Variants in XRN1 observed in about 807,000 individuals in gnomAD.
The protein encoded by XRN1 is 5'-3' exoribonuclease 1.
XRN1 carries 67 observed loss-of-function variants against 222.3 expected under a neutral mutation model. That is an observed-to-expected ratio of 0.30 (90% CI 0.25 to 0.37). The LOEUF (loss-of-function observed/expected upper bound fraction) is 0.37. XRN1 is among the 10% of genes least tolerant of loss of function. XRN1 has a pLI of 1.00. For missense variants in XRN1, 1,707 were observed against 2,000.2 expected (o/e 0.85, Z 2.80); for synonymous variants, 643 against 652.4 (o/e 0.99, Z 0.22).
chr3:142,313,962 C>G (rs949665545), intron 39 of XRN1, among the ~76,000 whole-genome samples: 1 of 152,118 alleles, frequency 6.6e-6, no homozygotes, highest in Admixed American at 6.6e-5. Context: ...GGTCTTGAAA[C>G]TATCTACGAG....
rs1433998215 is a variant in XRN1 at position 142,375,854 on chromosome 3, T to C, written c.2922A>G (p.Gly974=). ...EEVPGYTKKV[G]SEWMYSSAAE... is the part of the protein sequence containing the mutation. ...CTGCAGATGAATACATCCATTCACT[T>C]CCAACTTTCTTAGTATATCCAGGTA... Residue 974 remains glycine, a synonymous_variant, in exon 25 of 41, where the codon GGA becomes GGG. Transcript: ENST00000392981. 6.2e-6 allele frequency: 10 copies of C among 1,613,860 alleles called. No homozygotes were observed. Among genetic ancestry groups the C allele is most frequent in the Non-Finnish European group, 8.5e-6 (10 of 1,179,960 alleles).
At chr3:142,385,461 T>C (rs1024505127) in intron 20 of XRN1, among the ~76,000 whole-genome samples, 11 of 152,144 alleles carry the variant, frequency 7.2e-5, no homozygotes, top group Admixed American at 1.3e-4. Context: ...GCCAGGAGTA[T>C]GTGATGGCTT....
At position 142,383,366 on chromosome 3, in the gene XRN1, A is replaced by G; in HGVS notation, c.2550T>C (p.Asp850=). Residue 850 remains aspartate, a synonymous_variant, in exon 22 of 41, where the codon GAT becomes GAC. Transcript: ENST00000392981. The stretch of plus-strand genomic sequence containing the variant: ...CCATACTTCTCAGAGGAAACAAATC[A>G]TCCAATGTTTTGATATTGGAGAAAC... ...DSRFSNIKTL[D]DLFPLRSMVF... 6.2e-7 allele frequency: 1 copy of G among 1,614,118 alleles called. No homozygotes were observed. Among genetic ancestry groups the G allele is most frequent in the South Asian group, 1.1e-5 (1 of 91,066 alleles).
intron 37 of XRN1, among the ~76,000 whole-genome samples, chr3:142,324,280 G>T (rs1448820758): frequency 8.1e-6 from 1 of 123,308 alleles, no homozygotes; most frequent in African/African-American, 3.2e-5. Context: ...AGCGTGTGAT[G>T]TTCCCCTTCC....
chr3:142,408,837 C>T (rs2068452350), intron 15 of XRN1, among the ~76,000 whole-genome samples: 1 of 152,194 alleles, frequency 6.6e-6, no homozygotes, highest in Non-Finnish European at 1.5e-5. Flanking sequence ...ATTCCAATTG[C>T]TCCACATTCT....
rs2107864712 is a variant in XRN1 at position 142,365,476 on chromosome 3, A to C, written c.3205-110T>G. ...TTTTAAAAAGCCAAATGAAGAGATTAATTTTTAAAATATTTAAAGTTCTGC... is the reference window on the plus strand; with the variant it reads ...TTTTAAAAAGCCAAATGAAGAGATTCATTTTTAAAATATTTAAAGTTCTGC... On this transcript the variant is annotated intron_variant, in intron 27 of 40. Coordinates refer to ENST00000392981, the MANE Select transcript of XRN1 (RefSeq NM_001282857.2). 3 of 734,208 alleles carry C rather than the reference A, an allele frequency of 4.1e-6. No homozygotes were observed. In the South Asian group the frequency reaches 1.2e-4, roughly 29 times the overall value. 45.5% of individuals were successfully genotyped at this position (734,208 alleles called of 1,614,324 possible).
intron 27 of XRN1, among the ~76,000 whole-genome samples, chr3:142,370,050 G>GA (rs1163944480): frequency 0.014 from 972 of 69,980 alleles, 10 homozygotes; most frequent in African/African-American, 0.03. Context: ...CTGTCTCAAA[G>GA]AAAAAAAAAA....
intron 23 of XRN1, among the ~76,000 whole-genome samples, chr3:142,377,586 A>G (rs978421371): frequency 6.6e-6 from 1 of 152,200 alleles, no homozygotes; most frequent in African/African-American, 2.4e-5. Context: ...TATTTAATAC[A>G]TAACTGTCCT....
At chr3:142,384,774 C>T in intron 20 of XRN1, 89 bp from the exon 21 acceptor site, 1 of 1,021,534 alleles carries the variant, frequency 9.8e-7, no homozygotes, top group Non-Finnish European at 1.4e-6. Flanking sequence ...AAACTATCAA[C>T]TCATAATCAA....
intron 39 of XRN1, among the ~76,000 whole-genome samples, chr3:142,317,683 A>G (rs186956131): frequency 9.5e-4 from 145 of 152,288 alleles, no homozygotes; most frequent in Middle Eastern, 3.4e-3. Context: ...CACTTTGCAC[A>G]TAGACTTTCA....
rs896286775 is a variant in XRN1 at position 142,410,797 on chromosome 3, T to A, written c.1713+1747A>T. Among the ~76,000 whole-genome samples, 89 of 152,024 alleles carry A rather than the reference T, an allele frequency of 5.9e-4. 1 individual carries two copies. The highest frequency in any genetic ancestry group is 2.9e-4 in the Non-Finnish European group (20 of 67,976). On this transcript the variant is annotated intron_variant, in intron 15 of 40. Coordinates refer to ENST00000392981, the MANE Select transcript of XRN1 (RefSeq NM_001282857.2). ...GCATGAGCCACCGTGCCCGGCCTCA[T>A]GTTATTTCCTTAGGAGTTTTTGCAT... is the stretch of plus-strand genomic sequence containing the variant.
At chr3:142,328,778 A>T (rs2065608932) in intron 37 of XRN1, among the ~76,000 whole-genome samples, 1 of 103,372 alleles carries the variant, frequency 9.7e-6, no homozygotes, top group Non-Finnish European at 1.9e-5. Flanking sequence ...TATGTTTCAG[A>T]GACAAGGTCT....
At chr3:142,391,015 A>G (rs1443742419) in intron 20 of XRN1, among the ~76,000 whole-genome samples, 1 of 152,224 alleles carries the variant, frequency 6.6e-6, no homozygotes, top group African/African-American at 2.4e-5. Flanking sequence ...TCAAATGGGC[A>G]TGGTTGATGG....
At chr3:142,347,803 G>C (rs2066191907) in intron 32 of XRN1, among the ~76,000 whole-genome samples, 1 of 151,588 alleles carries the variant, frequency 6.6e-6, no homozygotes, top group Non-Finnish European at 1.5e-5. Flanking sequence ...TCACCATGTT[G>C]GTCACGGTGG....
intron 29 of XRN1, among the ~76,000 whole-genome samples, chr3:142,361,961 C>CT (rs2066648123): frequency 1.0e-5 from 1 of 99,970 alleles, no homozygotes; most frequent in Non-Finnish European, 2.0e-5. Flanking sequence ...TTCTTTTTCT[C>CT]TCTTTTTTTT....
intron 25 of XRN1, among the ~76,000 whole-genome samples, chr3:142,371,754 G>A (rs2066998049): frequency 6.6e-6 from 1 of 152,028 alleles, no homozygotes; most frequent in Admixed American, 6.6e-5. Flanking sequence ...AGGACTTTTC[G>A]ATACATATAG....
At position 142,357,057 on chromosome 3, in the gene XRN1, C is replaced by A; in HGVS notation, c.3527G>T (p.Ser1176Ile). 1 of 1,613,870 alleles carries A rather than the reference C, an allele frequency of 6.2e-7. No individual in the cohort carries two copies. The highest frequency in any genetic ancestry group is 8.5e-7 in the Non-Finnish European group (1 of 1,179,946). ...TSALVNLSHG[S>I]RSETGNQKLT... ...CTTCTGATTTCCAGTTTCAGAGCGA[C>A]TCCCATGAGAAAGGTTCACCAAGGC... Residue 1176 changes from serine (S) to isoleucine (I), a missense_variant, in exon 31 of 41, where the codon AGT (serine) becomes ATT (isoleucine). Ser to Ile is a moderately radical substitution (Grantham distance 142). Around this residue, in one of 2 missense-constraint regions of XRN1, gnomAD observed 1,234 missense variants for 1,518.2 expected, o/e 0.81. Coordinates refer to ENST00000392981, the MANE Select transcript of XRN1 (RefSeq NM_001282857.2).
At chr3:142,330,303 T>A (rs1056213284) in intron 36 of XRN1, among the ~76,000 whole-genome samples, 42 of 152,228 alleles carry the variant, frequency 2.8e-4, no homozygotes, top group Non-Finnish European at 4.6e-4. Context: ...GACACATGGA[T>A]GAATATTTTT....
intron 36 of XRN1, among the ~76,000 whole-genome samples, chr3:142,330,571 C>T (rs916419714): frequency 2.6e-5 from 4 of 151,264 alleles, no homozygotes; most frequent in African/African-American, 7.3e-5. Context: ...AGCTAGTGAC[C>T]CTAAGACTCT....
Sources: gnomAD v4.1 joint callset for allele counts (sites outside exome capture counted in the v4.1 genomes callset) on GRCh38, gnomAD v4.1.1 for gene constraint, gnomAD v4.1.1 regional missense constraint, MANE v1.5 for transcripts, NCBI Gene and HGNC (gene_info 2026-07-23, HGNC 2026-07-21) for gene names.